CMKLR2: variants seen among roughly 807,000 people sequenced by gnomAD.
CMKLR2 encodes the protein chemerin-like receptor 2.
In CMKLR2, 18 loss-of-function variants were observed where a neutral mutation model predicts 23.0. The observed-to-expected ratio is 0.78, with a 90% CI of 0.54 to 1.16. The LOEUF (loss-of-function observed/expected upper bound fraction) is 1.16. CMKLR2 is among the 50% of genes most tolerant of loss of function. The pLI is 0.00. For missense variants in CMKLR2, 401 were observed against 412.7 expected (o/e 0.97, Z 0.25); for synonymous variants, 158 against 158.9 (o/e 0.99, Z 0.05).
chr2:206,216,934 T>C (rs1689772936), upstream of CMKLR2, among the ~76,000 whole-genome samples: 1 of 152,204 alleles, frequency 6.6e-6, no homozygotes, highest in African/African-American at 2.4e-5. Flanking sequence ...GTTAGCATTA[T>C]TCTTTCTCTT....
rs766986682 is a variant in CMKLR2 at position 206,176,350 on chromosome 2, T to G, written c.898A>C (p.Asn300His). ...TGLAFLNSCL[N>H]PILYVLISKK... ...CTAATTAGGACATAAAGGATGGGGTTCAAGCAACTATTGAGGAATGCCAAA... is the reference window on the plus strand; with the variant it reads ...CTAATTAGGACATAAAGGATGGGGTGCAAGCAACTATTGAGGAATGCCAAA... The change falls in exon 2 of 2, where the codon AAC becomes CAC. Residue 300 changes from asparagine to histidine, a missense_variant. Transcript: ENST00000621141. 1.1e-5 allele frequency: 17 copies of G among 1,613,936 alleles called. No individual in the cohort carries two copies. The African/African-American group carries it at 2.0e-4, about 19-fold the overall frequency.
At chr2:206,185,895 C>G (rs1688562068) in intron 1 of CMKLR2, among the ~76,000 whole-genome samples, 2 of 152,154 alleles carry the variant, frequency 1.3e-5, no homozygotes, top group South Asian at 4.1e-4. Flanking sequence ...CTCCTCTTCT[C>G]ATGGGCTAGA....
chr2:206,205,885 G>A (rs1689298414), intron 1 of CMKLR2, among the ~76,000 whole-genome samples: 1 of 151,968 alleles, frequency 6.6e-6, no homozygotes. Context: ...TTTTAGTAGA[G>A]ATGGGGTTTC....
chr2:206,214,195 A>C (rs1190958457), upstream of CMKLR2, among the ~76,000 whole-genome samples: 1 of 68,508 alleles, frequency 1.5e-5, no homozygotes, highest in African/African-American at 5.4e-5. Context: ...TTTTTTTGAG[A>C]CGGAGTCTCG....
At chr2:206,192,990 G>A (rs1407456398) in intron 1 of CMKLR2, among the ~76,000 whole-genome samples, 1 of 152,022 alleles carries the variant, frequency 6.6e-6, no homozygotes. Context: ...TATTGTTTAG[G>A]GGATAACAAT....
chr2:206,183,683 C>CA (rs1449177458), intron 1 of CMKLR2, among the ~76,000 whole-genome samples: 4 of 152,136 alleles, frequency 2.6e-5, no homozygotes, highest in African/African-American at 9.7e-5. Flanking sequence ...CTAAGACTTA[C>CA]AGCAGATGTT....
At chr2:206,190,808 A>G (rs1052837823) in intron 1 of CMKLR2, among the ~76,000 whole-genome samples, 5 of 152,236 alleles carry the variant, frequency 3.3e-5, no homozygotes, top group African/African-American at 1.2e-4. Context: ...TTCTTGTCAT[A>G]AAAGGCATTT....
At chr2:206,200,704 T>G (rs1489400437) in intron 1 of CMKLR2, among the ~76,000 whole-genome samples, 1 of 152,132 alleles carries the variant, frequency 6.6e-6, no homozygotes, top group African/African-American at 2.4e-5. Flanking sequence ...CCCCAAGAGA[T>G]CCTCCCTTTC....
chr2:206,195,890 G>A (rs1688905876), intron 1 of CMKLR2, among the ~76,000 whole-genome samples: 1 of 151,270 alleles, frequency 6.6e-6, no homozygotes, highest in Non-Finnish European at 1.5e-5. Context: ...GGAGGCGGAG[G>A]TTGCAGTGAG....
intron 1 of CMKLR2, among the ~76,000 whole-genome samples, chr2:206,190,614 C>T (rs1376507798): frequency 2.0e-5 from 3 of 152,100 alleles, no homozygotes; most frequent in Admixed American, 6.5e-5. Context: ...TTCACAATAA[C>T]GTTTTTCTTG....
rs148928806 is a variant in CMKLR2 at position 206,200,258 on chromosome 2, T to C, written c.-29+13049A>G. 9.5e-3 allele frequency among the ~76,000 whole-genome samples: 1,439 copies of C among 152,078 alleles called. 27 individuals are homozygous for C. Among genetic ancestry groups the C allele is most frequent in the African/African-American group, 0.032 (1,349 of 41,512 alleles). On this transcript the variant is annotated intron_variant, in intron 1 of 1. Coordinates refer to ENST00000621141, the MANE Select transcript of CMKLR2 (RefSeq NM_001389445.1). The stretch of plus-strand genomic sequence containing the variant: ...GGGCAACACAGTGAAACCCCATCTC[T>C]ACTAAAAATACAAAATTAGCTGGGC...
chr2:206,201,764 T>A (rs564888030), intron 1 of CMKLR2, among the ~76,000 whole-genome samples: 8 of 152,316 alleles, frequency 5.3e-5, no homozygotes, highest in African/African-American at 1.9e-4. Flanking sequence ...ACTGTGTTCT[T>A]TTCTGGGAAT....
intron 1 of CMKLR2, among the ~76,000 whole-genome samples, chr2:206,212,448 A>C (rs1389465264): frequency 1.3e-5 from 2 of 151,700 alleles, no homozygotes; most frequent in East Asian, 3.9e-4. Flanking sequence ...AGGTTTGTGG[A>C]TTCTTGGGTG....
chr2:206,214,498 C>T (rs75143976), upstream of CMKLR2, among the ~76,000 whole-genome samples: 113 of 152,196 alleles, frequency 7.4e-4, no homozygotes, highest in African/African-American at 2.5e-3. Flanking sequence ...CATCTGTGTA[C>T]CTGAGGCAGG....
chr2:206,182,850 C>A (rs57473315), intron 1 of CMKLR2, among the ~76,000 whole-genome samples: 1 of 152,244 alleles, frequency 6.6e-6, no homozygotes, highest in African/African-American at 2.4e-5. Flanking sequence ...GAACTCCTGA[C>A]CTCGTGATCC....
Position 206,176,813 on chromosome 2 carries a change from A to C in CMKLR2, c.435T>G (p.Ser145=), listed in dbSNP as rs1688236825. The change falls in exon 2 of 2, where the codon TCT becomes TCG. Residue 145 remains serine (S), a synonymous_variant. Coordinates refer to ENST00000621141, the MANE Select transcript of CMKLR2 (RefSeq NM_001389445.1). ...HYIHLIHPVL[S]HRHRTLKNSL... The stretch of plus-strand genomic sequence containing the variant: ...AGTTCTTGAGGGTTCGATGCCGATG[A>C]GATAAGACAGGATGGATCAAGTGGA... 1 of 1,614,072 alleles carries C rather than the reference A, an allele frequency of 6.2e-7. No individual in the cohort carries two copies.
chr2:206,186,085 T>TC lies in CMKLR2; in HGVS notation c.-28-8811dup, dbSNP rs750153930. Reference sequence around the variant, plus strand: ...CTGGAATCCTTTTGGGCTATTTTTTTCTCACAAAACCGTGTGGGTCTGTGG... The same window carrying TC: ...CTGGAATCCTTTTGGGCTATTTTTTTCCTCACAAAACCGTGTGGGTCTGTGG... On this transcript the variant is annotated intron_variant, in intron 1 of 1. Coordinates refer to ENST00000621141, the MANE Select transcript of CMKLR2 (RefSeq NM_001389445.1). 4.0e-5 allele frequency among the ~76,000 whole-genome samples: 6 copies of TC among 151,452 alleles called. No homozygotes were observed. The East Asian group carries it at 9.8e-4, about 25-fold the overall frequency.
chr2:206,213,652 A>G (rs1374961399), upstream of CMKLR2: 1 of 152,198 alleles, frequency 6.6e-6, no homozygotes, highest in Non-Finnish European at 1.5e-5. Flanking sequence ...AAAATCGGTA[A>G]TGGATGGGGG....
chr2:206,182,079 G>A (rs13394168), intron 1 of CMKLR2, among the ~76,000 whole-genome samples: 75,451 of 151,540 alleles, frequency 0.5, 19,475 homozygotes, highest in African/African-American at 0.62. Flanking sequence ...GTTGTGGAGG[G>A]GGAAGAAGAT....
Sources: allele counts gnomAD v4.1 joint callset (sites outside exome capture counted in the v4.1 genomes callset), GRCh38; gene constraint gnomAD v4.1.1; transcripts MANE v1.5; gene names NCBI Gene and HGNC (gene_info 2026-07-23, HGNC 2026-07-21).